SLCO1C1: variants seen among roughly 807,000 people sequenced by gnomAD.
SLCO1C1 encodes the protein solute carrier organic anion transporter family member 1C1.
In SLCO1C1, 70 loss-of-function variants were observed where a neutral mutation model predicts 76.4. The observed-to-expected ratio is 0.92, with a 90% CI of 0.76 to 1.12. SLCO1C1 has a LOEUF of 1.12. Ranked by LOEUF, SLCO1C1 falls within the 50% of genes most tolerant of loss-of-function variation. SLCO1C1 has a pLI of 0.00. For missense variants in SLCO1C1, 912 were observed against 823.8 expected (o/e 1.11, Z -1.31); for synonymous variants, 306 against 286.1 (o/e 1.07, Z -0.70).
intron 13 of SLCO1C1, among the ~76,000 whole-genome samples, chr12:20,750,208 G>T (rs1949230571): frequency 6.6e-6 from 1 of 152,178 alleles, no homozygotes; most frequent in African/African-American, 2.4e-5. Context: ...TGAATTGGCT[G>T]TTGCTTTAAG....
At chr12:20,746,170 G>A (rs1176994178) in intron 13 of SLCO1C1, among the ~76,000 whole-genome samples, 1 of 152,126 alleles carries the variant, frequency 6.6e-6, no homozygotes, top group Non-Finnish European at 1.5e-5. Flanking sequence ...GAACCAATTT[G>A]AGGAGACTGG....
intron 10 of SLCO1C1, among the ~76,000 whole-genome samples, chr12:20,735,597 T>A (rs1357991152): frequency 6.6e-6 from 1 of 152,186 alleles, no homozygotes. Flanking sequence ...TAAACATTCC[T>A]ATAGCACATC....
chr12:20,737,341 G>A (rs1948598962), intron 11 of SLCO1C1, 69 bp downstream of exon 11: 1 of 1,454,588 alleles, frequency 6.9e-7, no homozygotes. Flanking sequence ...CTCTATGGGG[G>A]CTCACAGCAG....
intron 10 of SLCO1C1, among the ~76,000 whole-genome samples, chr12:20,734,801 T>C (rs1377347760): frequency 6.6e-6 from 1 of 152,158 alleles, no homozygotes; most frequent in Non-Finnish European, 1.5e-5. Flanking sequence ...TTCAAAGGAG[T>C]CACCTTGAAA....
intron 7 of SLCO1C1, among the ~76,000 whole-genome samples, chr12:20,717,614 G>GGATTTA (rs1555125508): frequency 1.6e-5 from 2 of 126,536 alleles, no homozygotes; most frequent in African/African-American, 5.7e-5. Flanking sequence ...GAAAGACCAA[G>GGATTTA]GATTTAAAGT....
chr12:20,740,160 G>T, intron 11 of SLCO1C1, 24 bp from the exon 12 acceptor site: 3 of 1,576,034 alleles, frequency 1.9e-6, no homozygotes, highest in South Asian at 2.3e-5. Context: ...TGAAATAATT[G>T]GACTTTTCCC....
chr12:20,721,022 T>G (rs906960157), intron 7 of SLCO1C1, among the ~76,000 whole-genome samples: 4 of 138,434 alleles, frequency 2.9e-5, no homozygotes, highest in Non-Finnish European at 6.3e-5. Context: ...AAAAAAAAGC[T>G]TAAACAGATG....
intron 13 of SLCO1C1, among the ~76,000 whole-genome samples, chr12:20,749,375 A>G (rs1477019441): frequency 1.3e-5 from 2 of 152,176 alleles, no homozygotes; most frequent in Admixed American, 6.5e-5. Context: ...AAGTGTAGGC[A>G]GCGGTTGGGG....
At chr12:20,722,106 A>G in intron 8 of SLCO1C1, 57 bp downstream of exon 8, 1 of 1,546,016 alleles carries the variant, frequency 6.5e-7, no homozygotes, top group Non-Finnish European at 8.7e-7. Context: ...GCTTAAGGAG[A>G]TTTATAAATT....
chr12:20,734,851 A>G (rs921442167), intron 10 of SLCO1C1, among the ~76,000 whole-genome samples: 6 of 152,222 alleles, frequency 3.9e-5, no homozygotes, highest in Non-Finnish European at 7.3e-5. Context: ...GTTGTTTAAA[A>G]TATTCTAAGA....
rs762764788 is a variant in SLCO1C1 at position 20,699,625 on chromosome 12, G to GAAC, written c.49_50insAAC (p.Val17delinsGluLeu). 6.2e-7 allele frequency: 1 copy of GAAC among 1,612,414 alleles called. No individual in the cohort carries two copies. Among genetic ancestry groups the GAAC allele is most frequent in the Non-Finnish European group, 8.5e-7 (1 of 1,179,116 alleles). On this transcript the variant is annotated protein_altering_variant, in exon 2 of 15. Coordinates refer to ENST00000266509, the MANE Select transcript of SLCO1C1 (RefSeq NM_017435.5). The stretch of plus-strand genomic sequence containing the variant: ...TATCCAGTTGTTCTGCAAAACTTCA[G>GAAC]TGCAACCTGTTGGAAGGCCTTCTTT...
chr12:20,734,868 T>G (rs568284282), intron 10 of SLCO1C1, among the ~76,000 whole-genome samples: 1 of 152,328 alleles, frequency 6.6e-6, no homozygotes, highest in South Asian at 2.1e-4. Context: ...AAGACTCTTA[T>G]TTTGAATTTC....
intron 14 of SLCO1C1, among the ~76,000 whole-genome samples, chr12:20,752,058 A>G (rs1949332464): frequency 6.6e-6 from 1 of 152,188 alleles, no homozygotes; most frequent in African/African-American, 2.4e-5. Context: ...GTCTAAGGAA[A>G]TAATTTACAG....
chr12:20,728,209 TC>T (rs771053975), intron 9 of SLCO1C1, among the ~76,000 whole-genome samples: 78 of 152,240 alleles, frequency 5.1e-4, no homozygotes, highest in Middle Eastern at 3.4e-3. Context: ...TGATAAGGGG[TC>T]CAGTTTCATT....
At chr12:20,710,624 A>G (rs537079046) in intron 4 of SLCO1C1, among the ~76,000 whole-genome samples, 18 of 152,244 alleles carry the variant, frequency 1.2e-4, no homozygotes, top group African/African-American at 4.3e-4. Context: ...ACACAGGGGA[A>G]AGGGTGGAAT....
At chr12:20,716,923 A>G (rs181943539) in intron 6 of SLCO1C1, among the ~76,000 whole-genome samples, 180 of 152,304 alleles carry the variant, frequency 1.2e-3, no homozygotes, top group Non-Finnish European at 2.1e-3. Flanking sequence ...GACATATTTA[A>G]TGCCTTAAAA....
rs1284594597 is a variant in SLCO1C1, at chr12:20,740,198, C to T, written c.1563C>T (p.Cys521=). ...TCGTGTTACAGATATTTTACAACTG[C>T]ACTTGTGTGGGAATTGCAGCTTCTA... ...RSGKNIIFYN[C]TCVGIAASKS... The change falls in exon 12 of 15, where the codon TGC becomes TGT. Residue 521 remains cysteine (C), a synonymous_variant. Transcript: ENST00000266509. The T allele has an allele frequency of 6.2e-7, 1 of 1,610,956 alleles. No individual in the cohort carries two copies. The highest frequency in any genetic ancestry group is 8.5e-7 in the Non-Finnish European group (1 of 1,179,000).
At chr12:20,737,578 C>A (rs1948608317) in intron 11 of SLCO1C1, among the ~76,000 whole-genome samples, 1 of 152,116 alleles carries the variant, frequency 6.6e-6, no homozygotes. Context: ...GTATGATCAT[C>A]ATAATAAGAT....
At position 20,709,452 on chromosome 12, in the gene SLCO1C1, T is replaced by C. The variant is rs372152211; in HGVS notation, c.405-1934T>C. Reference sequence around the variant, plus strand: ...TTAAAATAATGAAAAATTTTCAAAATACTCCATGATCACCATCCATACTTA... The same window carrying C: ...TTAAAATAATGAAAAATTTTCAAAACACTCCATGATCACCATCCATACTTA... On this transcript the variant is annotated intron_variant, in intron 4 of 14. Transcript: ENST00000266509. 3.3e-3 allele frequency among the ~76,000 whole-genome samples: 505 copies of C among 152,320 alleles called. 3 individuals are homozygous for C. Among genetic ancestry groups the C allele is most frequent in the Middle Eastern group, 0.01 (3 of 294 alleles).
Sources: gnomAD v4.1 joint callset for allele counts (sites outside exome capture counted in the v4.1 genomes callset) on GRCh38, gnomAD v4.1.1 for gene constraint, MANE v1.5 for transcripts, NCBI Gene and HGNC (gene_info 2026-07-23, HGNC 2026-07-21) for gene names.